The following EBF3 variants were observed in gnomAD, a reference collection of about 807,000 sequenced individuals.
The protein encoded by EBF3 is EBF transcription factor 3, also known as transcription factor COE3.
EBF3 carries 18 observed loss-of-function variants against 77.1 expected under a neutral mutation model. That is an observed-to-expected ratio of 0.23 (90% CI 0.16 to 0.35). EBF3 has a LOEUF of 0.35. EBF3 is among the 10% of genes least tolerant of loss of function. The pLI is 1.00. For missense variants in EBF3, 558 were observed against 860.0 expected (o/e 0.65, Z 4.39); for synonymous variants, 350 against 343.5 (o/e 1.02, Z -0.21).
rs35249799 is a variant in EBF3 at position 129,842,762 on chromosome 10, TAAAAAAAAA to T, written c.1194+366_1194+374del. On this transcript the variant is annotated intron_variant, in intron 12 of 16. Coordinates refer to ENST00000440978, the MANE Select transcript of EBF3 (RefSeq NM_001375380.1). This position sits in a 1 kb window ranked among gnomAD's most constrained non-coding sequence, Gnocchi z 4.4. Reference sequence around the variant, plus strand: ...CTGGGTGACAGAGCAAGACCCTGTCTAAAAAAAAAAAAAAAAAAAGGGAGCAACATTTGC... The same window carrying T: ...CTGGGTGACAGAGCAAGACCCTGTCTAAAAAAAAAAGGGAGCAACATTTGC... Among the ~76,000 whole-genome samples, 1 of 112,744 alleles carries T rather than the reference TAAAAAAAAA, an allele frequency of 8.9e-6. No homozygotes were observed. The highest frequency in any genetic ancestry group is 3.6e-5 in the African/African-American group (1 of 27,684). The allele number at this position is 112,744 out of a possible 152,430, so 74.0% of individuals were successfully genotyped here.
At chr10:129,903,368 A>T (rs551272150) in intron 6 of EBF3, among the ~76,000 whole-genome samples, 1 of 152,356 alleles carries the variant, frequency 6.6e-6, no homozygotes, top group South Asian at 2.1e-4. Flanking sequence ...GAATGACCCA[A>T]AGTGTCTGCA....
At chr10:129,882,654 T>C (rs1274627828) in intron 6 of EBF3, among the ~76,000 whole-genome samples, 3 of 152,238 alleles carry the variant, frequency 2.0e-5, no homozygotes, top group Non-Finnish European at 4.4e-5. Flanking sequence ...TGTGAAATAA[T>C]TGGCCAAGGC....
intron 6 of EBF3, among the ~76,000 whole-genome samples, chr10:129,911,057 C>G (rs1412677103): frequency 6.6e-6 from 1 of 152,268 alleles, no homozygotes; most frequent in Admixed American, 6.5e-5. Flanking sequence ...TCCAAACCCC[C>G]ACACCTGCCT....
chr10:129,957,196 C>A, intron 6 of EBF3, 62 bp downstream of exon 6: 1 of 1,479,730 alleles, frequency 6.8e-7, no homozygotes, highest in Non-Finnish European at 9.3e-7. Context: ...GGAAACCAAG[C>A]AAGGCAAAAC....
chr10:129,954,525 T>C (rs1858904290), intron 6 of EBF3, among the ~76,000 whole-genome samples: 1 of 151,302 alleles, frequency 6.6e-6, no homozygotes, highest in African/African-American at 2.4e-5. Flanking sequence ...GGCATCAGAG[T>C]CTATAGAATG....
At chr10:129,872,461 T>C (rs1294241452) in intron 8 of EBF3, among the ~76,000 whole-genome samples, 1 of 152,238 alleles carries the variant, frequency 6.6e-6, no homozygotes, top group Non-Finnish European at 1.5e-5. Context: ...TGAATTATAT[T>C]TCACGCTGAT....
chr10:129,937,750 C>T (rs1010619463), intron 6 of EBF3, among the ~76,000 whole-genome samples: 10 of 152,262 alleles, frequency 6.6e-5, no homozygotes, highest in South Asian at 2.1e-4. Flanking sequence ...CAACCTGTCC[C>T]GGGCTGTCCC....
rs1437945229 is a variant in EBF3, at chr10:129,952,303, G to A, written c.554+4955C>T. On this transcript the variant is annotated intron_variant, in intron 6 of 16. Coordinates refer to ENST00000440978, the MANE Select transcript of EBF3 (RefSeq NM_001375380.1). This position sits in a 1 kb window ranked among gnomAD's most constrained non-coding sequence, Gnocchi z 4.7. The stretch of plus-strand genomic sequence containing the variant: ...TTGCATTATGCAGATGAAATGACAA[G>A]TTGTCATTTAAGAAGTTAATAAACA... Among the ~76,000 whole-genome samples the A allele has an allele frequency of 3.9e-5, 6 of 152,162 alleles. No individual in the cohort carries two copies. Among genetic ancestry groups the A allele is most frequent in the African/African-American group, 1.4e-4 (6 of 41,422 alleles).
In EBF3 at chr10:129,885,053, T is replaced by A. The variant is rs545258252; in HGVS notation, c.555-7204A>T. Reference sequence around the variant, plus strand: ...AACCCTTCACAGCCTAGAGCCACACTAGGCCCCACCGTCCCTCCAAAGAGC... The same window carrying A: ...AACCCTTCACAGCCTAGAGCCACACAAGGCCCCACCGTCCCTCCAAAGAGC... On this transcript the variant is annotated intron_variant, in intron 6 of 16. Transcript: ENST00000440978. The surrounding 1 kb of genome is among the most constrained non-coding windows in gnomAD (Gnocchi z 4.0). Among the ~76,000 whole-genome samples, 60 of 152,328 alleles carry A rather than the reference T, an allele frequency of 3.9e-4. No homozygotes were observed. Among genetic ancestry groups the A allele is most frequent in the African/African-American group, 1.3e-3 (54 of 41,578 alleles).
At chr10:129,869,837 G>A (rs1483087791) in intron 8 of EBF3, among the ~76,000 whole-genome samples, 4 of 152,190 alleles carry the variant, frequency 2.6e-5, no homozygotes, top group Admixed American at 2.6e-4. Flanking sequence ...ATGCTAATAA[G>A]TTCATACAAA....
At position 129,943,972 on chromosome 10, in the gene EBF3, C is replaced by T. The variant is rs765758423; in HGVS notation, c.554+13286G>A. ...TGTGTCCATGGGTAAAATATCTCCCCAGACCTTCCCACCCTATGCGTGATT... is the reference window on the plus strand; with the variant it reads ...TGTGTCCATGGGTAAAATATCTCCCTAGACCTTCCCACCCTATGCGTGATT... On this transcript the variant is annotated intron_variant, in intron 6 of 16. Transcript: ENST00000440978. This position sits in a 1 kb window ranked among gnomAD's most constrained non-coding sequence, Gnocchi z 8.8. Among the ~76,000 whole-genome samples the T allele has an allele frequency of 2.6e-5, 4 of 152,206 alleles. No homozygotes were observed. The highest frequency in any genetic ancestry group is 5.9e-5 in the Non-Finnish European group (4 of 68,048).
chr10:129,918,930 A>G (rs1856079755), intron 6 of EBF3, among the ~76,000 whole-genome samples: 1 of 152,150 alleles, frequency 6.6e-6, no homozygotes, highest in African/African-American at 2.4e-5. Flanking sequence ...CAGTCAATAA[A>G]CACTTGAGCT....
Position 129,848,535 on chromosome 10 carries a change from A to G in EBF3, c.1040-55T>C. The G allele has an allele frequency of 6.4e-7, 1 of 1,571,322 alleles. No homozygotes were observed. The highest frequency in any genetic ancestry group is 8.8e-7 in the Non-Finnish European group (1 of 1,141,250). On this transcript the variant is annotated intron_variant, in intron 10 of 16. Transcript: ENST00000440978. The surrounding 1 kb of genome is among the most constrained non-coding windows in gnomAD (Gnocchi z 4.4). ...GTTAATTACTTTTATGTCATCCATT[A>G]CTCGTTTATTGCACACTTACAAATA...
intron 6 of EBF3, among the ~76,000 whole-genome samples, chr10:129,937,706 TACCTCATC>T (rs1485023462): frequency 7.1e-6 from 1 of 141,032 alleles, no homozygotes; most frequent in Non-Finnish European, 1.6e-5. Context: ...TCCTCACTGA[TACCTCATC>T]TCCTCACCAT....
At chr10:129,948,815 TCCCTGCTTCATG>T (rs1323554128) in intron 6 of EBF3, among the ~76,000 whole-genome samples, 1 of 152,184 alleles carries the variant, frequency 6.6e-6, no homozygotes, top group Non-Finnish European at 1.5e-5. Context: ...GGCTTCAATG[TCCCTGCTTCATG>T]CCCTGCCCCC....
In EBF3 at chr10:129,902,938, G is replaced by A. The variant is rs74624402; in HGVS notation, c.555-25089C>T. ...TGCCAATTCACATCCAAGAGACGGC[G>A]GCCTCTCTCAGGATTCCAGAAGTAT... On this transcript the variant is annotated intron_variant, in intron 6 of 16. Coordinates refer to ENST00000440978, the MANE Select transcript of EBF3 (RefSeq NM_001375380.1). Among the ~76,000 whole-genome samples the A allele has an allele frequency of 8.7e-3, 1,331 of 152,258 alleles. 20 individuals carry two copies. The highest frequency in any genetic ancestry group is 0.043 in the East Asian group (225 of 5,174).
At chr10:129,878,213 T>G (rs569742751) in intron 6 of EBF3, among the ~76,000 whole-genome samples, 2 of 152,292 alleles carry the variant, frequency 1.3e-5, no homozygotes, top group South Asian at 4.1e-4. Context: ...AAATGAAGGA[T>G]GCCTAGTTAA....
intron 6 of EBF3, among the ~76,000 whole-genome samples, chr10:129,916,289 A>C (rs1855882514): frequency 1.3e-5 from 2 of 152,190 alleles, no homozygotes; most frequent in African/African-American, 4.8e-5. Context: ...GTGACCCTGG[A>C]CAAGCCACGG....
In EBF3 at chr10:129,877,942, G is replaced by A. The variant is rs1267863662; in HGVS notation, c.555-93C>T. ...ACACTCTTGCGCAGGGAGGAGTGGA[G>A]ACTCAACCCCACAGCTTCCACACTT... is the stretch of plus-strand genomic sequence containing the variant. On this transcript the variant is annotated intron_variant, in intron 6 of 16. Transcript: ENST00000440978. 1.5e-5 allele frequency: 15 copies of A among 971,310 alleles called. 1 individual carries two copies. The highest frequency in any genetic ancestry group is 2.0e-5 in the Non-Finnish European group (13 of 651,248). 60.2% of individuals were successfully genotyped at this position (971,310 alleles called of 1,614,324 possible). A position where few individuals can be genotyped will look rare whatever the true frequency, so the allele number is the denominator to read the frequency against.
Sources: allele counts gnomAD v4.1 joint callset (sites outside exome capture counted in the v4.1 genomes callset), GRCh38; gene constraint gnomAD v4.1.1; non-coding constraint Gnocchi (gnomAD v3.1); transcripts MANE v1.5; gene names NCBI Gene and HGNC (gene_info 2026-07-23, HGNC 2026-07-21).